RPGRIP1L: variants seen among roughly 807,000 people sequenced by gnomAD.
The protein encoded by RPGRIP1L is RPGRIP1 like, also known as protein fantom.
A neutral mutation model predicts 160.4 loss-of-function variants in RPGRIP1L; 131 were observed. The ratio of observed to expected loss-of-function variants is 0.82; its 90% CI spans 0.71 to 0.94. RPGRIP1L has a LOEUF of 0.94. Ranked by LOEUF, RPGRIP1L falls within the 40% of genes least tolerant of loss-of-function variation. The pLI is 0.00. For missense variants in RPGRIP1L, 1,522 were observed against 1,535.8 expected, an observed-to-expected ratio of 0.99 and a Z score of 0.15; for synonymous variants, 510 against 515.8, an observed-to-expected ratio of 0.99 and a Z score of 0.15.
At chr16:53,608,182 G>A (rs1963804916) in intron 25 of RPGRIP1L, among the ~76,000 whole-genome samples, 2 of 152,142 alleles carry the variant, frequency 1.3e-5, no homozygotes, top group African/African-American at 2.4e-5. Context: ...CTTCATGCCT[G>A]GAGTTCCCTT....
intron 2 of RPGRIP1L, among the ~76,000 whole-genome samples, chr16:53,697,280 T>C (rs998748990): frequency 3.9e-5 from 6 of 152,064 alleles, no homozygotes; most frequent in Non-Finnish European, 5.9e-5. Context: ...AGAAAATTCA[T>C]ATGATCATTA....
chr16:53,600,182 A>C lies in RPGRIP1L; in HGVS notation c.*1894T>G, dbSNP rs1468409678. On this transcript the variant is annotated 3_prime_UTR_variant, in exon 27 of 27. Coordinates refer to ENST00000647211, the MANE Select transcript of RPGRIP1L (RefSeq NM_015272.5). Reference sequence around the variant, plus strand: ...ACAATAAATGTCTCAAAAACCACTCAGTTAATCCCAGGGTATAATCTGGCT... The same window carrying C: ...ACAATAAATGTCTCAAAAACCACTCCGTTAATCCCAGGGTATAATCTGGCT... 1 of 152,652 alleles carries C rather than the reference A, an allele frequency of 6.6e-6. No individual in the cohort carries two copies. The highest frequency in any genetic ancestry group is 1.5e-5 in the Non-Finnish European group (1 of 68,028). 9.5% of individuals were successfully genotyped at this position (152,652 alleles called of 1,614,324 possible). A position where few individuals can be genotyped will look rare whatever the true frequency, so the allele number is the denominator to read the frequency against.
At chr16:53,649,207 C>G in intron 15 of RPGRIP1L, 92 bp from the exon 16 acceptor site, 2 of 1,067,968 alleles carry the variant, frequency 1.9e-6, no homozygotes, top group South Asian at 1.3e-5. Context: ...TGCATTAAAA[C>G]TATACATTTT....
At chr16:53,682,345 G>T (rs1969671435) in intron 6 of RPGRIP1L, among the ~76,000 whole-genome samples, 4 of 152,102 alleles carry the variant, frequency 2.6e-5, no homozygotes, top group African/African-American at 9.7e-5. Context: ...AAATAATATA[G>T]CCCCCTAAGG....
At chr16:53,657,219 G>A (rs955133736) in intron 13 of RPGRIP1L, among the ~76,000 whole-genome samples, 3 of 151,384 alleles carry the variant, frequency 2.0e-5, no homozygotes, top group Non-Finnish European at 4.4e-5. Flanking sequence ...CAGCCTGGGT[G>A]ACAACAGCAA....
chr16:53,631,185 A>C (rs1257649046), intron 22 of RPGRIP1L, among the ~76,000 whole-genome samples: 3 of 152,216 alleles, frequency 2.0e-5, no homozygotes, highest in Non-Finnish European at 2.9e-5. Flanking sequence ...AAGCGAGTGA[A>C]TTGATTTCTG....
chr16:53,648,620 G>GCACACA lies in RPGRIP1L; in HGVS notation c.2304+343_2304+344insTGTGTG, dbSNP rs1329861075. ...CACATATACGTACGCGCGTGCGCGCGCGCGCGCACACACACACACACACAC... is the reference window on the plus strand; with the variant it reads ...CACATATACGTACGCGCGTGCGCGCGCACACACGCGCGCACACACACACACACACAC... On this transcript the variant is annotated intron_variant, in intron 16 of 26. Transcript: ENST00000647211. Among the ~76,000 whole-genome samples the GCACACA allele has an allele frequency of 4.7e-3, 293 of 62,462 alleles. 2 individuals are homozygous for GCACACA. Among genetic ancestry groups the GCACACA allele is most frequent in the African/African-American group, 0.013 (281 of 20,888 alleles). 41.0% of individuals were successfully genotyped at this position (62,462 alleles called of 152,430 possible).
intron 19 of RPGRIP1L, among the ~76,000 whole-genome samples, chr16:53,640,171 G>A (rs1299875945): frequency 1.3e-5 from 2 of 152,188 alleles, no homozygotes; most frequent in African/African-American, 4.8e-5. Flanking sequence ...AAAATTTCAT[G>A]CCTGTGCAAT....
In RPGRIP1L at chr16:53,656,481, T is replaced by C. The variant is rs1413038780; in HGVS notation, c.1690A>G (p.Lys564Glu). The change falls in exon 14 of 27, where the codon AAA becomes GAA. Residue 564 changes from lysine (K) to glutamate (E), a missense_variant. Lys to Glu is a moderately conservative substitution (Grantham distance 56, BLOSUM62 1). Transcript: ENST00000647211. ...LLDIRAARIH[K>E]LEAQLKDIAY... is the part of the protein sequence containing the mutation. ...ATCGTATATGTTGTACCTTCTAGTTTATGGATACGTGCAGCCCTGATATCA... is the reference window on the plus strand; with the variant it reads ...ATCGTATATGTTGTACCTTCTAGTTCATGGATACGTGCAGCCCTGATATCA... 1.9e-6 allele frequency: 3 copies of C among 1,606,702 alleles called. No individual in the cohort carries two copies. In the African/African-American group the frequency reaches 4.0e-5, roughly 21 times the overall value.
At chr16:53,691,646 T>G (rs1340825858) in intron 4 of RPGRIP1L, among the ~76,000 whole-genome samples, 2 of 152,250 alleles carry the variant, frequency 1.3e-5, no homozygotes, top group Non-Finnish European at 2.9e-5. Flanking sequence ...GCTACCGCCA[T>G]CCAATGAGAA....
In RPGRIP1L at chr16:53,700,694, T is replaced by C. The variant is rs1366340219; in HGVS notation, c.30A>G (p.Gly10=). 6.2e-7 allele frequency: 1 copy of C among 1,613,550 alleles called. No individual in the cohort carries two copies. The highest frequency in any genetic ancestry group is 2.2e-5 in the East Asian group (1 of 44,866). The part of the protein sequence containing the change: MSGPTDETA[G]DLPVKDTGLN... ...GACCTGTATCTTTCACAGGCAAGTC[T>C]CCTGCAGTCTCATCAGTTGGACCAG... Residue 10 remains glycine, a synonymous_variant, in exon 2 of 27, where the codon GGA becomes GGG. Transcript: ENST00000647211.
rs759881318 is a variant in RPGRIP1L at position 53,652,484 on chromosome 16, T to C, written c.2152+51A>G. 2.8e-6 allele frequency: 4 copies of C among 1,426,644 alleles called. No homozygotes were observed. In the Admixed American group the frequency reaches 5.0e-5, roughly 18 times the overall value. 88.4% of individuals were successfully genotyped at this position (1,426,644 alleles called of 1,614,324 possible). A position where few individuals can be genotyped will look rare whatever the true frequency, so the allele number is the denominator to read the frequency against. On this transcript the variant is annotated intron_variant, in intron 15 of 26. Transcript: ENST00000647211. ...AGTAATGTAGAGTACCATAACGATA[T>C]ATAAACCAAATTAGTAATTCAAACA...
Position 53,686,591 on chromosome 16 carries a change from C to A in RPGRIP1L, c.633-15G>T. On this transcript the variant is annotated splice_polypyrimidine_tract_variant and intron_variant, in intron 5 of 26. Transcript: ENST00000647211. ...TAACGTTTTCTCTGAAATAAAGAGC[C>A]TCTGTAAGAACTTGTAGTTTGAGGA... is the stretch of plus-strand genomic sequence containing the variant. 6.2e-7 allele frequency: 1 copy of A among 1,613,130 alleles called. No individual in the cohort carries two copies. The highest frequency in any genetic ancestry group is 8.5e-7 in the Non-Finnish European group (1 of 1,179,522).
chr16:53,695,029 A>G, intron 3 of RPGRIP1L: 1 of 326,314 alleles, frequency 3.1e-6, no homozygotes, highest in Non-Finnish European at 5.6e-6. Context: ...GCATACATAC[A>G]ACTTGATTCC....
intron 3 of RPGRIP1L, chr16:53,695,199 A>G: frequency 1.7e-6 from 1 of 598,862 alleles, no homozygotes; most frequent in East Asian, 2.8e-5. Context: ...GTCATAGCAG[A>G]CTACATGCCT....
At chr16:53,631,935 T>C (rs1383474662) in intron 22 of RPGRIP1L, among the ~76,000 whole-genome samples, 1 of 152,214 alleles carries the variant, frequency 6.6e-6, no homozygotes, top group Non-Finnish European at 1.5e-5. Flanking sequence ...AAACTTTATG[T>C]AGCCTGTTAA....
chr16:53,617,524 G>A (rs1964459160), intron 24 of RPGRIP1L, among the ~76,000 whole-genome samples: 1 of 152,142 alleles, frequency 6.6e-6, no homozygotes, highest in South Asian at 2.1e-4. Context: ...AATGAAGGAG[G>A]AATCAGATTC....
chr16:53,666,268 T>C (rs1165369399), intron 9 of RPGRIP1L, among the ~76,000 whole-genome samples: 1 of 152,046 alleles, frequency 6.6e-6, no homozygotes, highest in Admixed American at 6.6e-5. Context: ...ACCTTGAAAA[T>C]AAATGGAATT....
Position 53,698,969 on chromosome 16 carries a change from T to C in RPGRIP1L, c.85+1670A>G, listed in dbSNP as rs1356078156. On this transcript the variant is annotated intron_variant, in intron 2 of 26. Coordinates refer to ENST00000647211, the MANE Select transcript of RPGRIP1L (RefSeq NM_015272.5). ...AAAGCGGGGAAAGGTGGGGAAAAGA[T>C]TGAGAAATCGGATGGTTGCCGTGTC... 5.3e-5 allele frequency among the ~76,000 whole-genome samples: 8 copies of C among 152,098 alleles called. No individual in the cohort carries two copies. The East Asian group carries it at 1.5e-3, about 29-fold the overall frequency.
Sources: allele counts gnomAD v4.1 joint callset (sites outside exome capture counted in the v4.1 genomes callset), GRCh38; gene constraint gnomAD v4.1.1; transcripts MANE v1.5; gene names NCBI Gene and HGNC (gene_info 2026-07-23, HGNC 2026-07-21).